REV3L: variants seen among roughly 807,000 people sequenced by gnomAD.
REV3L encodes DNA polymerase zeta catalytic subunit.
A neutral mutation model predicts 299.4 loss-of-function variants in REV3L; 69 were observed. The observed-to-expected ratio is 0.23, with a 90% CI of 0.19 to 0.28. REV3L has a LOEUF of 0.28. Among genes scored for constraint, REV3L ranks in the 10% least tolerant of loss-of-function variants. REV3L has a pLI of 1.00. For missense variants in REV3L, 3,128 were observed against 3,693.8 expected (o/e 0.85, Z 3.97); for synonymous variants, 1,238 against 1,271.4 (o/e 0.97, Z 0.56).
intron 9 of REV3L, among the ~76,000 whole-genome samples, chr6:111,385,751 T>C (rs1781281362): frequency 6.6e-6 from 1 of 151,998 alleles, no homozygotes; most frequent in Non-Finnish European, 1.5e-5. Context: ...CTAGAAAATA[T>C]GAAGAACTCC....
intron 27 of REV3L, among the ~76,000 whole-genome samples, chr6:111,314,995 C>T (rs181056084): frequency 1.1e-4 from 17 of 151,872 alleles, no homozygotes; most frequent in Admixed American, 2.0e-4. Context: ...GGACTACAGG[C>T]GTGTGCCACT....
In REV3L at chr6:111,373,218, C is replaced by G; in HGVS notation, c.5137G>C (p.Asp1713His). The G allele has an allele frequency of 6.2e-7, 1 of 1,614,060 alleles. No homozygotes were observed. The change falls in exon 13 of 32, where the codon GAC becomes CAC. Residue 1713 changes from aspartate to histidine, a missense_variant. Coordinates refer to ENST00000368802, the MANE Select transcript of REV3L (RefSeq NM_001372078.1). Reference sequence around the variant, plus strand: ...CCAGATCTAATCCATGAGGCTGAGTCTGTGGTATGATGCTTGTCTTCATCA... The same window carrying G: ...CCAGATCTAATCCATGAGGCTGAGTGTGTGGTATGATGCTTGTCTTCATCA... ...KCDEDKHHTT[D>H]SASWIRSGTL...
At chr6:111,390,998 G>A (rs372883275) in intron 5 of REV3L, among the ~76,000 whole-genome samples, 13 of 151,550 alleles carry the variant, frequency 8.6e-5, no homozygotes, top group African/African-American at 3.1e-4. Flanking sequence ...GAAAAGGGGA[G>A]ATCCTTAATT....
chr6:111,431,202 A>G, intron 1 of REV3L: 1 of 1,566,116 alleles, frequency 6.4e-7, no homozygotes, highest in Non-Finnish European at 8.8e-7. Flanking sequence ...CTGTGATGGC[A>G]GATAGTTTAC....
At position 111,358,991 on chromosome 6, in the gene REV3L, A is replaced by G. The variant is rs1203259406; in HGVS notation, c.6903T>C (p.Ser2301=). 5.6e-6 allele frequency: 9 copies of G among 1,613,748 alleles called. No individual in the cohort carries two copies. The highest frequency in any genetic ancestry group is 6.8e-6 in the Non-Finnish European group (8 of 1,179,818). ...LHEIQNLTLI[S]VELHARTRRD... is the part of the protein sequence containing the mutation. ...GTCTAGTTCGAGCATGCAACTCCAC[A>G]CTGATTAGGGTAAGATTTTGTATCT... The change falls in exon 17 of 32, where the codon AGT becomes AGC. Residue 2301 remains serine (S), a synonymous_variant. Coordinates refer to ENST00000368802, the MANE Select transcript of REV3L (RefSeq NM_001372078.1).
intron 4 of REV3L, among the ~76,000 whole-genome samples, chr6:111,398,793 T>A (rs1215011144): frequency 6.6e-6 from 1 of 152,166 alleles, no homozygotes; most frequent in Non-Finnish European, 1.5e-5. Flanking sequence ...GATTTCAGTA[T>A]AATCTTTTAT....
At chr6:111,418,012 T>C (rs1784944142) in intron 1 of REV3L, among the ~76,000 whole-genome samples, 2 of 152,232 alleles carry the variant, frequency 1.3e-5, no homozygotes, top group South Asian at 4.1e-4. Flanking sequence ...TCAAACTATA[T>C]TAATGAGTCT....
At chr6:111,383,529 A>G (rs1781044814) in intron 9 of REV3L, among the ~76,000 whole-genome samples, 1 of 152,232 alleles carries the variant, frequency 6.6e-6, no homozygotes, top group African/African-American at 2.4e-5. Flanking sequence ...CAAATAAGAT[A>G]CTTAGGAATA....
chr6:111,329,661 C>T lies in REV3L; in HGVS notation c.8112G>A (p.Met2704Ile), dbSNP rs1401432772. The change falls in exon 25 of 32, where the codon ATG (methionine) becomes ATA (isoleucine). Residue 2704 changes from methionine (M) to isoleucine (I), a missense_variant. By Grantham distance (10) the Met-to-Ile change is conservative. Coordinates refer to ENST00000368802, the MANE Select transcript of REV3L (RefSeq NM_001372078.1). ...LKTRFMVKQS[M>I]KAYKQDRALS... ...GGGCTCTGTCTTGCTTGTAAGCCTT[C>T]ATTGACTGCTTCACCATAAATCTAG... The T allele has an allele frequency of 1.2e-6, 2 of 1,613,950 alleles. No homozygotes were observed. The highest frequency in any genetic ancestry group is 1.7e-6 in the Non-Finnish European group (2 of 1,180,034).
At chr6:111,463,259 C>T (rs1362458943) in intron 1 of REV3L, among the ~76,000 whole-genome samples, 1 of 152,106 alleles carries the variant, frequency 6.6e-6, no homozygotes, top group African/African-American at 2.4e-5. Context: ...CAATGGTGCT[C>T]GGTTATACAA....
intron 31 of REV3L, among the ~76,000 whole-genome samples, chr6:111,301,773 T>C (rs1771568527): frequency 6.6e-6 from 1 of 152,066 alleles, no homozygotes; most frequent in African/African-American, 2.4e-5. Context: ...TTTTACACAA[T>C]GATCAATTTT....
chr6:111,335,582 G>T lies in REV3L; in HGVS notation c.7567C>A (p.Arg2523Ser). The change falls in exon 22 of 32, where the codon CGT becomes AGT. Residue 2523 changes from arginine (R) to serine (S), a missense_variant. Coordinates refer to ENST00000368802, the MANE Select transcript of REV3L (RefSeq NM_001372078.1). The stretch of plus-strand genomic sequence containing the variant: ...AACATTTGGAGATTTCCACGGACAC[G>T]GCTAACATAATGATCAACCATTTTC... ...RWKMVDHYVS[R>S]VRGNLQMLEQ... The T allele has an allele frequency of 6.2e-7, 1 of 1,609,426 alleles. No individual in the cohort carries two copies. Among genetic ancestry groups the T allele is most frequent in the Non-Finnish European group, 8.5e-7 (1 of 1,177,686 alleles).
rs1177354305 is a variant in REV3L, at chr6:111,331,169, G to C, written c.8034+507C>G. On this transcript the variant is annotated intron_variant, in intron 24 of 31. Coordinates refer to ENST00000368802, the MANE Select transcript of REV3L (RefSeq NM_001372078.1). ...TGTAAAGTTTTCCTCTGTCTCTTTT[G>C]AGGGGAGATACAGGAGAGAAAAAAG... 7.4e-6 allele frequency: 2 copies of C among 268,980 alleles called. 1 individual carries two copies. The highest frequency in any genetic ancestry group is 3.5e-4 in the East Asian group (2 of 5,690). The allele number at this position is 268,980 out of a possible 1,614,324, so 16.7% of individuals were successfully genotyped here.
intron 13 of REV3L, among the ~76,000 whole-genome samples, chr6:111,369,590 G>T (rs934883772): frequency 1.3e-5 from 2 of 152,006 alleles, no homozygotes; most frequent in Middle Eastern, 3.4e-3. Flanking sequence ...CATATGCAGC[G>T]ATTAAAATAT....
chr6:111,371,880 G>C (rs399219), intron 13 of REV3L, among the ~76,000 whole-genome samples: 102,204 of 151,718 alleles, frequency 0.67, 36,570 homozygotes, highest in Non-Finnish European at 0.81. Context: ...TTTGTAGAGA[G>C]AGAGTCTCAC....
Position 111,376,629 on chromosome 6 carries a change from T to C in REV3L, c.1726A>G (p.Thr576Ala). 1.2e-6 allele frequency: 2 copies of C among 1,613,196 alleles called. No individual in the cohort carries two copies. Among genetic ancestry groups the C allele is most frequent in the South Asian group, 1.1e-5 (1 of 91,072 alleles). ...GCACTTGTGTGTTTACACTGAAAGG[T>C]AATCTTAGCAGAAGATGAGGGTTCT... ...TLEPSSSAKI[T>A]FQCKHTSALS... Residue 576 changes from threonine (T) to alanine (A), a missense_variant, in exon 13 of 32, where the codon ACC (threonine) becomes GCC (alanine). Thr to Ala is a moderately conservative substitution (Grantham distance 58). Coordinates refer to ENST00000368802, the MANE Select transcript of REV3L (RefSeq NM_001372078.1).
intron 31 of REV3L, among the ~76,000 whole-genome samples, chr6:111,301,772 A>C (rs904250524): frequency 1.3e-5 from 2 of 152,142 alleles, no homozygotes; most frequent in African/African-American, 2.4e-5. Context: ...GTTTTACACA[A>C]TGATCAATTT....
chr6:111,473,442 T>C (rs1220018898), intron 1 of REV3L, among the ~76,000 whole-genome samples: 1 of 152,038 alleles, frequency 6.6e-6, no homozygotes, highest in Non-Finnish European at 1.5e-5. Flanking sequence ...AAAGGTCTCA[T>C]ATATTCCCTC....
In REV3L at chr6:111,338,312, CTTTTTTTTTTT is replaced by C. The variant is rs144497761; in HGVS notation, c.7539-2713_7539-2703del. Among the ~76,000 whole-genome samples the C allele has an allele frequency of 2.9e-3, 140 of 47,784 alleles. 1 individual carries two copies. Among genetic ancestry groups the C allele is most frequent in the Middle Eastern group, 8.9e-3 (1 of 112 alleles). The allele number at this position is 47,784 out of a possible 152,430, so 31.3% of individuals were successfully genotyped here. ...TCTTTGTTTACTCCAGTCTAAAGTC[CTTTTTTTTTTT>C]TTTTTTTTTTTTTTTTTTTTTTTTT... On this transcript the variant is annotated intron_variant, in intron 21 of 31. Transcript: ENST00000368802.
Sources: gnomAD v4.1 joint callset for allele counts (sites outside exome capture counted in the v4.1 genomes callset) on GRCh38, gnomAD v4.1.1 for gene constraint, MANE v1.5 for transcripts, NCBI Gene and HGNC (gene_info 2026-07-23, HGNC 2026-07-21) for gene names.